Variants in RPTOR observed in about 807,000 individuals in gnomAD.
The protein encoded by RPTOR is regulatory-associated protein of mTOR.
Under a neutral mutation model 169.9 loss-of-function variants are expected in RPTOR, and 21 were observed. That is an observed-to-expected ratio of 0.12 (90% confidence interval 0.09 to 0.18). RPTOR has a LOEUF of 0.18. Among genes scored for constraint, RPTOR ranks in the 10% least tolerant of loss-of-function variants. The pLI, the probability that RPTOR is intolerant of heterozygous loss-of-function variation, is 1.00. For synonymous variants in RPTOR, 732 were observed against 753.2 expected, an observed-to-expected ratio of 0.97 and a Z score of 0.46; for missense variants, 1,133 against 1,855.9, an observed-to-expected ratio of 0.61 and a Z score of 7.16.
intron 4 of RPTOR, among the ~76,000 whole-genome samples, chr17:80,718,193 A>G (rs771567979): frequency 2.6e-5 from 4 of 152,042 alleles, no homozygotes; most frequent in Non-Finnish European, 5.9e-5. Context: ...CCTTTCCTTA[A>G]TTTACTGAAC....
chr17:80,860,157 C>G lies in RPTOR; in HGVS notation c.1509+2257C>G, dbSNP rs950709766. Reference sequence around the variant, plus strand: ...CGGCGCTCCCCAGGCCACATTCTGTCAGCTCCTCCGTCCAGTCACTGGCAC... The same window carrying G: ...CGGCGCTCCCCAGGCCACATTCTGTGAGCTCCTCCGTCCAGTCACTGGCAC... On this transcript the variant is annotated intron_variant, in intron 13 of 33. Transcript: ENST00000306801. The surrounding 1 kb of genome is among the most constrained non-coding windows in gnomAD (Gnocchi z 5.8). 6.6e-6 allele frequency among the ~76,000 whole-genome samples: 1 copy of G among 152,228 alleles called. No individual in the cohort carries two copies. Among genetic ancestry groups the G allele is most frequent in the Admixed American group, 6.5e-5 (1 of 15,292 alleles).
At chr17:80,681,242 C>T (rs1042638360) in intron 3 of RPTOR, among the ~76,000 whole-genome samples, 33 of 152,094 alleles carry the variant, frequency 2.2e-4, no homozygotes, top group South Asian at 6.2e-4. Context: ...TTATTCAGAT[C>T]GATAACTCCT....
chr17:80,939,651 C>T (rs556399774), intron 24 of RPTOR, among the ~76,000 whole-genome samples: 8 of 152,314 alleles, frequency 5.3e-5, no homozygotes, highest in African/African-American at 1.9e-4. Flanking sequence ...TCTCTCGGGG[C>T]CCGGCCTGGC....
intron 7 of RPTOR, among the ~76,000 whole-genome samples, chr17:80,811,365 A>C (rs1373638267): frequency 2.0e-5 from 3 of 152,230 alleles, no homozygotes; most frequent in Non-Finnish European, 4.4e-5. Context: ...CACCCTGTTC[A>C]GATGGTGCAT....
Position 80,893,904 on chromosome 17 carries a change from G to C in RPTOR, c.2401+39G>C, listed in dbSNP as rs372212972. 6 of 1,504,506 alleles carry C rather than the reference G, an allele frequency of 4.0e-6. No homozygotes were observed. In the East Asian group the frequency reaches 1.2e-4, roughly 30 times the overall value. The allele number at this position is 1,504,506 out of a possible 1,614,324, so 93.2% of individuals were successfully genotyped here. A position where few individuals can be genotyped will look rare whatever the true frequency, so the allele number is the denominator to read the frequency against. On this transcript the variant is annotated intron_variant, in intron 20 of 33. Transcript: ENST00000306801. ...CCCCTTTCTGCTTCCGAGGGGCCCC[G>C]AGGGTCTCCTCCCCACACAGAGCAG...
At chr17:80,567,934 TCTCA>T (rs1484884235) in intron 1 of RPTOR, among the ~76,000 whole-genome samples, 1 of 151,678 alleles carries the variant, frequency 6.6e-6, no homozygotes, top group African/African-American at 2.4e-5. Context: ...TGAGACAGAG[TCTCA>T]CTCTGTTGCT....
chr17:80,777,289 G>A (rs1358804562), intron 6 of RPTOR, among the ~76,000 whole-genome samples: 1 of 151,950 alleles, frequency 6.6e-6, no homozygotes, highest in Non-Finnish European at 1.5e-5. Context: ...CAGTGTGGGA[G>A]GAAGAGACAG....
chr17:80,888,895 G>A (rs576489923), intron 17 of RPTOR, among the ~76,000 whole-genome samples: 1 of 152,348 alleles, frequency 6.6e-6, no homozygotes, highest in South Asian at 2.1e-4. Context: ...GGATGGGGCT[G>A]GGGGCACAGG....
Position 80,803,378 on chromosome 17 carries a change from A to C in RPTOR, c.890+11869A>C, listed in dbSNP as rs1598315875. The stretch of plus-strand genomic sequence containing the variant: ...GGTGGCGGAGCCTGTGTCCGCCCCC[A>C]CCCGTCCTGCTGTGTCTGCCCCCAG... On this transcript the variant is annotated intron_variant, in intron 7 of 33. Transcript: ENST00000306801. This position sits in a 1 kb window ranked among gnomAD's most constrained non-coding sequence, Gnocchi z 6.2. The C allele has an allele frequency of 1.3e-5, 2 of 152,506 alleles. No individual in the cohort carries two copies. The highest frequency in any genetic ancestry group is 2.4e-5 in the African/African-American group (1 of 41,358). The allele number at this position is 152,506 out of a possible 1,614,324, so 9.4% of individuals were successfully genotyped here.
rs1225314654 is a variant in RPTOR at position 80,962,920 on chromosome 17, C to T, written c.3810-8C>T. 6.2e-7 allele frequency: 1 copy of T among 1,613,512 alleles called. No homozygotes were observed. The highest frequency in any genetic ancestry group is 1.1e-5 in the South Asian group (1 of 91,082). On this transcript the variant is annotated splice_region_variant and splice_polypyrimidine_tract_variant and intron_variant, in intron 32 of 33. Coordinates refer to ENST00000306801, the MANE Select transcript of RPTOR (RefSeq NM_020761.3). ...GCAGTGATGCCGGGACCCTTTCTCT[C>T]CCCACAGTGGCTCCGTCAATCAGTT...
intron 1 of RPTOR, among the ~76,000 whole-genome samples, chr17:80,601,415 G>A (rs931559253): frequency 7.9e-5 from 12 of 152,388 alleles, no homozygotes; most frequent in African/African-American, 2.9e-4. Flanking sequence ...CATCTCAGGG[G>A]CACGCAGGTT....
intron 28 of RPTOR, among the ~76,000 whole-genome samples, chr17:80,952,256 G>A (rs1299403246): frequency 6.6e-6 from 1 of 152,258 alleles, no homozygotes; most frequent in Non-Finnish European, 1.5e-5. Flanking sequence ...TCCCTCCGCG[G>A]TATTACATTT....
rs1568015059 is a variant in RPTOR at position 80,963,695 on chromosome 17, GTCCCCTGTGCGGCCCTC to G, written c.3940-566_3940-550del. Among the ~76,000 whole-genome samples the G allele has an allele frequency of 1.2e-3, 14 of 12,152 alleles. 2 individuals are homozygous for G. The highest frequency in any genetic ancestry group is 5.3e-3 in the African/African-American group (10 of 1,870). The allele number at this position is 12,152 out of a possible 152,430, so 8.0% of individuals were successfully genotyped here. ...CCGTCCCCTGTGCGGCCCTCACCCC[GTCCCCTGTGCGGCCCTC>G]ACCCCGTCCCCTCTGCGGCCCTCAC... is the stretch of plus-strand genomic sequence containing the variant. On this transcript the variant is annotated intron_variant, in intron 33 of 33. Transcript: ENST00000306801.
At chr17:80,897,102 T>TA (rs5822373) in intron 20 of RPTOR, among the ~76,000 whole-genome samples, 114,618 of 151,098 alleles carry the variant, frequency 0.76, 43,638 homozygotes, top group Admixed American at 0.8. Context: ...CTGTCTCTAC[T>TA]ATAAAAAAAT....
chr17:80,796,160 G>A (rs1387963596), intron 7 of RPTOR, among the ~76,000 whole-genome samples: 1 of 152,194 alleles, frequency 6.6e-6, no homozygotes, highest in Non-Finnish European at 1.5e-5. Context: ...GAGACTGGGT[G>A]TATTAGGGTT....
At chr17:80,639,506 C>T (rs1004416171) in intron 2 of RPTOR, among the ~76,000 whole-genome samples, 9 of 152,098 alleles carry the variant, frequency 5.9e-5, no homozygotes, top group Non-Finnish European at 1.5e-5. Context: ...ATCTTGTCCC[C>T]TTTGGGTCCC....
intron 1 of RPTOR, among the ~76,000 whole-genome samples, chr17:80,624,134 G>A (rs186582571): frequency 1.6e-3 from 236 of 152,240 alleles, no homozygotes; most frequent in Middle Eastern, 0.014. Context: ...TTAAATTAAT[G>A]TTAACTGTCA....
chr17:80,580,732 C>T (rs1384059564), intron 1 of RPTOR, among the ~76,000 whole-genome samples: 1 of 152,162 alleles, frequency 6.6e-6, no homozygotes. Context: ...CAGCAATCTT[C>T]CCACCTCAGC....
rs1384232955 is a variant in RPTOR at position 80,746,461 on chromosome 17, A to G, written c.655-7549A>G. Among the ~76,000 whole-genome samples the G allele has an allele frequency of 6.6e-6, 1 of 152,244 alleles. No individual in the cohort carries two copies. The highest frequency in any genetic ancestry group is 2.4e-5 in the African/African-American group (1 of 41,468). On this transcript the variant is annotated intron_variant, in intron 5 of 33. Coordinates refer to ENST00000306801, the MANE Select transcript of RPTOR (RefSeq NM_020761.3). This position sits in a 1 kb window ranked among gnomAD's most constrained non-coding sequence, Gnocchi z 4.5. ...CTCCACATTACCCACACGTGGGAAC[A>G]ATGCAGCAGATGTCTTTTTTGGATC...
Sources: gnomAD v4.1 joint callset for allele counts (sites outside exome capture counted in the v4.1 genomes callset) on GRCh38, gnomAD v4.1.1 for gene constraint, Gnocchi (gnomAD v3.1) non-coding constraint, MANE v1.5 for transcripts, NCBI Gene and HGNC (gene_info 2026-07-23, HGNC 2026-07-21) for gene names.